The following COG7 variants were observed in gnomAD, a reference collection of about 807,000 sequenced individuals.
COG7 encodes conserved oligomeric Golgi complex subunit 7.
A neutral mutation model predicts 91.5 loss-of-function variants in COG7; 49 were observed. The observed-to-expected ratio is 0.54, with a 90% CI of 0.43 to 0.68. The LOEUF is 0.68. Among genes scored for constraint, COG7 ranks in the 30% least tolerant of loss-of-function variants. COG7 has a pLI of 0.00. For synonymous variants in COG7, 365 were observed against 388.7 expected, an observed-to-expected ratio of 0.94 and a Z score of 0.72; for missense variants, 895 against 961.3, an observed-to-expected ratio of 0.93 and a Z score of 0.91.
rs539384109 is a variant in COG7, at chr16:23,436,923, A to C, written c.605-2205T>G. Among the ~76,000 whole-genome samples, 5 of 152,296 alleles carry C rather than the reference A, an allele frequency of 3.3e-5. No homozygotes were observed. In the South Asian group the frequency reaches 1.0e-3, roughly 32 times the overall value. ...GGAAAATATCTGTACTACATATTTC[A>C]GAGAATCCCAACTAGATATCTAATC... On this transcript the variant is annotated intron_variant, in intron 4 of 16. Transcript: ENST00000307149.
chr16:23,420,094 C>A (rs965818853), intron 7 of COG7, among the ~76,000 whole-genome samples: 1 of 151,968 alleles, frequency 6.6e-6, no homozygotes, highest in Non-Finnish European at 1.5e-5. Flanking sequence ...CCACTGCACT[C>A]CAGCCTGGGT....
intron 3 of COG7, 78 bp downstream of exon 3, chr16:23,444,970 T>G (rs1003461823): frequency 4.7e-6 from 5 of 1,057,748 alleles, no homozygotes; most frequent in African/African-American, 1.6e-5. Context: ...CTATCAACTT[T>G]GTATCTCTTT....
At chr16:23,433,400 A>G in intron 6 of COG7, 145 bp downstream of exon 6, 1 of 1,092,582 alleles carries the variant, frequency 9.2e-7, no homozygotes, top group Non-Finnish European at 1.4e-6. Flanking sequence ...CTAACTGGTT[A>G]TTTTTTAACC....
At chr16:23,425,057 C>T (rs1025707860) in intron 6 of COG7, 110 bp from the exon 7 acceptor site, 5 of 921,968 alleles carry the variant, frequency 5.4e-6, no homozygotes, top group African/African-American at 3.3e-5. Context: ...TGCCTATAAT[C>T]CCAGCACCTT....
chr16:23,401,361 C>T (rs753773621), intron 13 of COG7, among the ~76,000 whole-genome samples: 5 of 152,084 alleles, frequency 3.3e-5, no homozygotes, highest in Admixed American at 6.5e-5. Flanking sequence ...GTGGTGAAGC[C>T]GGAATGAGAA....
chr16:23,433,129 T>A (rs926302627), intron 6 of COG7, among the ~76,000 whole-genome samples: 2 of 152,184 alleles, frequency 1.3e-5, no homozygotes, highest in Non-Finnish European at 2.9e-5. Flanking sequence ...TTTGAGACAG[T>A]CTTGCTTGCT....
chr16:23,443,584 G>A (rs1170018963), intron 3 of COG7, among the ~76,000 whole-genome samples: 3 of 151,840 alleles, frequency 2.0e-5, no homozygotes, highest in Middle Eastern at 3.4e-3. Flanking sequence ...CCAGCTACTC[G>A]GGAGGCTGAG....
chr16:23,392,027 C>G (rs1596903819), intron 16 of COG7: 1 of 1,211,946 alleles, frequency 8.3e-7, no homozygotes, highest in Admixed American at 3.5e-5. Context: ...GCCAGGCATG[C>G]CTGGTATGCA....
chr16:23,440,259 G>A (rs192525514), intron 4 of COG7, among the ~76,000 whole-genome samples: 60 of 151,758 alleles, frequency 4.0e-4, no homozygotes, highest in African/African-American at 1.4e-3. Context: ...GTGTGGTAGC[G>A]CATGTCTGTA....
At chr16:23,442,352 AAT>A in intron 4 of COG7, 123 bp downstream of exon 4, 1 of 961,420 alleles carries the variant, frequency 1.0e-6, no homozygotes, top group Non-Finnish European at 1.6e-6. Flanking sequence ...AAAAAAAAAA[AAT>A]TACAGAGTTC....
chr16:23,426,641 AAC>A (rs1963850047), intron 6 of COG7, among the ~76,000 whole-genome samples: 1 of 152,156 alleles, frequency 6.6e-6, no homozygotes, highest in African/African-American at 2.4e-5. Flanking sequence ...TCATGAGAAA[AAC>A]ACTAAACTAG....
At chr16:23,425,822 G>A (rs1229559660) in intron 6 of COG7, among the ~76,000 whole-genome samples, 5 of 152,188 alleles carry the variant, frequency 3.3e-5, no homozygotes, top group Non-Finnish European at 7.3e-5. Flanking sequence ...CAACTGGCAA[G>A]TTCATGTCTA....
At chr16:23,394,326 T>A (rs1208423874) in intron 14 of COG7, among the ~76,000 whole-genome samples, 1 of 152,240 alleles carries the variant, frequency 6.6e-6, no homozygotes, top group Non-Finnish European at 1.5e-5. Context: ...GTCTTGGTCA[T>A]GTGTTTGTCA....
chr16:23,406,755 T>C (rs371512922), intron 11 of COG7, among the ~76,000 whole-genome samples: 10 of 152,340 alleles, frequency 6.6e-5, no homozygotes, highest in African/African-American at 1.9e-4. Context: ...CTGTCCTACA[T>C]GCCGAGCTTG....
At chr16:23,415,551 G>C (rs1339758569) in intron 9 of COG7, 1 of 152,104 alleles carries the variant, frequency 6.6e-6, no homozygotes, top group African/African-American at 2.4e-5. Flanking sequence ...CACCGTGTTA[G>C]GGGCTTTAAT....
chr16:23,406,737 G>A (rs1963469786), intron 11 of COG7, among the ~76,000 whole-genome samples: 1 of 152,214 alleles, frequency 6.6e-6, no homozygotes, highest in Non-Finnish European at 1.5e-5. Context: ...CTTTACCCAT[G>A]GGCCCACCTG....
intron 1 of COG7, among the ~76,000 whole-genome samples, chr16:23,451,021 C>T (rs1322400674): frequency 6.6e-6 from 1 of 151,984 alleles, no homozygotes; most frequent in Non-Finnish European, 1.5e-5. Context: ...TCATGAAACC[C>T]CATCTCTACT....
At chr16:23,411,210 T>C (rs1963556207) in intron 10 of COG7, among the ~76,000 whole-genome samples, 1 of 152,190 alleles carries the variant, frequency 6.6e-6, no homozygotes, top group Non-Finnish European at 1.5e-5. Flanking sequence ...AATTTTCAAG[T>C]AATTTTATGC....
intron 1 of COG7, among the ~76,000 whole-genome samples, chr16:23,452,405 A>G (rs941626866): frequency 6.6e-6 from 1 of 150,784 alleles, no homozygotes; most frequent in South Asian, 2.1e-4. Flanking sequence ...CATCTCTACA[A>G]TTTTTTTTTT....
Sources: gnomAD v4.1 joint callset for allele counts (sites outside exome capture counted in the v4.1 genomes callset) on GRCh38, gnomAD v4.1.1 for gene constraint, MANE v1.5 for transcripts, NCBI Gene and HGNC (gene_info 2026-07-23, HGNC 2026-07-21) for gene names.